The following NOL10 variants were observed in gnomAD, a reference collection of about 807,000 sequenced individuals.
NOL10 encodes the protein nucleolar protein 10, also known as H_NH0074G24.1.
In NOL10, 58 loss-of-function variants were observed where a neutral mutation model predicts 103.5. The observed-to-expected ratio is 0.56, with a 90% confidence interval of 0.45 to 0.70. NOL10 has a LOEUF of 0.70. Ranked by LOEUF, NOL10 falls within the 30% of genes least tolerant of loss-of-function variation. The pLI, the probability that NOL10 is intolerant of heterozygous loss-of-function variation, is 0.00. For synonymous variants in NOL10, 287 were observed against 282.5 expected (o/e 1.02, Z -0.16); for missense variants, 763 against 807.3 (o/e 0.95, Z 0.67).
At chr2:10,681,157 C>T (rs972212706) in intron 3 of NOL10, among the ~76,000 whole-genome samples, 8 of 151,996 alleles carry the variant, frequency 5.3e-5, no homozygotes, top group African/African-American at 1.2e-4. Context: ...GACTTCTATA[C>T]GATTGTTCAT....
chr2:10,673,262 T>C (rs1681073321), intron 5 of NOL10: 1 of 306,592 alleles, frequency 3.3e-6, no homozygotes, highest in African/African-American at 2.2e-5. Flanking sequence ...TTCTTAAAAA[T>C]ACAAATAAGG....
chr2:10,646,991 GT>G (rs1679118156), intron 12 of NOL10, among the ~76,000 whole-genome samples: 1 of 152,170 alleles, frequency 6.6e-6, no homozygotes. Flanking sequence ...AATTAATATG[GT>G]TTCACCCATG....
chr2:10,615,469 CAG>C (rs1339205242), intron 13 of NOL10, among the ~76,000 whole-genome samples: 1 of 152,114 alleles, frequency 6.6e-6, no homozygotes, highest in Non-Finnish European at 1.5e-5. Flanking sequence ...CAAGGGCTAG[CAG>C]AGACAGGACG....
intron 20 of NOL10, 80 bp from the exon 21 acceptor site, chr2:10,572,270 A>T (rs1674218747): frequency 6.8e-7 from 1 of 1,468,552 alleles, no homozygotes; most frequent in South Asian, 1.2e-5. Flanking sequence ...GGCTGCCAAC[A>T]GTACCACCAC....
In NOL10 at chr2:10,668,671, G is replaced by T; in HGVS notation, c.517C>A (p.Gln173Lys). Residue 173 changes from glutamine to lysine, a missense_variant, in exon 7 of 21, where the codon CAA becomes AAA. Gln to Lys is a moderately conservative substitution (Grantham distance 53). Transcript: ENST00000381685. ...AAAACTACTCACGCAGCATCAGTTT[G>T]TAGAGGATTCAGGTATCGTCCTTGT... ...LEQGRYLNPL[Q>K]TDAAENNVCD... The T allele has an allele frequency of 6.5e-7, 1 of 1,535,904 alleles. No individual in the cohort carries two copies.
In NOL10 at chr2:10,589,061, G is replaced by C. The variant is rs200554332; in HGVS notation, c.1826C>G (p.Thr609Arg). 65 of 1,613,944 alleles carry C rather than the reference G, an allele frequency of 4.0e-5. No homozygotes were observed. In the East Asian group the frequency reaches 1.3e-3, roughly 32 times the overall value. The change falls in exon 19 of 21, where the codon ACA (threonine) becomes AGA (arginine). Residue 609 changes from threonine to arginine, a missense_variant. Transcript: ENST00000381685. ...TACTCACTTCATCAGTTTCTGCTTTGTGGCAGAATCTTTGAAGCTTCTAAA... is the reference window on the plus strand; with the variant it reads ...TACTCACTTCATCAGTTTCTGCTTTCTGGCAGAATCTTTGAAGCTTCTAAA... ...EEFRSFKDSATKQKLMNKTLE... is the reference protein window; with the variant it reads ...EEFRSFKDSARKQKLMNKTLE...
intron 13 of NOL10, among the ~76,000 whole-genome samples, chr2:10,636,973 G>A (rs1382650351): frequency 6.6e-6 from 1 of 151,996 alleles, no homozygotes; most frequent in Non-Finnish European, 1.5e-5. Flanking sequence ...AGGCCCAGAT[G>A]GGTGGATCAC....
At position 10,590,754 on chromosome 2, in the gene NOL10, T is replaced by C. The variant is rs1572247446; in HGVS notation, c.1423-1003A>G. On this transcript the variant is annotated intron_variant, in intron 17 of 20. Coordinates refer to ENST00000381685, the MANE Select transcript of NOL10 (RefSeq NM_024894.4). ...ATTTGTACCATTTTCAATGGAAAGTTTTCTAAACTGTACTGTAAACTTACC... is the reference window on the plus strand; with the variant it reads ...ATTTGTACCATTTTCAATGGAAAGTCTTCTAAACTGTACTGTAAACTTACC... 2.9e-5 allele frequency: 4 copies of C among 138,140 alleles called. No homozygotes were observed. The South Asian group carries it at 8.5e-4, about 29-fold the overall frequency. 8.6% of individuals were successfully genotyped at this position (138,140 alleles called of 1,614,324 possible). A position where few individuals can be genotyped will look rare whatever the true frequency, so the allele number is the denominator to read the frequency against.
At chr2:10,620,530 C>T (rs1167213346) in intron 13 of NOL10, among the ~76,000 whole-genome samples, 2 of 152,066 alleles carry the variant, frequency 1.3e-5, no homozygotes, top group East Asian at 3.9e-4. Context: ...TAAGATTTCC[C>T]ATATGTTCCC....
At chr2:10,665,583 T>C (rs903968128) in intron 8 of NOL10, among the ~76,000 whole-genome samples, 3 of 152,184 alleles carry the variant, frequency 2.0e-5, no homozygotes, top group African/African-American at 7.2e-5. Context: ...CTACCTCCTA[T>C]CCCTTCAACA....
At chr2:10,606,512 G>A (rs1676266846) in intron 14 of NOL10, among the ~76,000 whole-genome samples, 2 of 150,240 alleles carry the variant, frequency 1.3e-5, no homozygotes, top group African/African-American at 2.5e-5. Flanking sequence ...GGAGGTTGAG[G>A]TAGGAGAATG....
At chr2:10,638,943 C>T (rs1488259962) in intron 13 of NOL10, among the ~76,000 whole-genome samples, 1 of 151,618 alleles carries the variant, frequency 6.6e-6, no homozygotes, top group African/African-American at 2.4e-5. Flanking sequence ...GTTGGGACTA[C>T]AGGCACACAC....
intron 10 of NOL10, among the ~76,000 whole-genome samples, 187 bp downstream of exon 10, chr2:10,658,985 T>C (rs1680013225): frequency 6.6e-6 from 1 of 152,172 alleles, no homozygotes. Flanking sequence ...TCCACAGCAC[T>C]GCAGACTGAC....
At chr2:10,617,381 T>C (rs369515925) in intron 13 of NOL10, among the ~76,000 whole-genome samples, 3 of 152,110 alleles carry the variant, frequency 2.0e-5, no homozygotes, top group African/African-American at 7.2e-5. Flanking sequence ...GAAGGAAATC[T>C]CTGTTTATTC....
chr2:10,609,581 C>T (rs1176598135), intron 13 of NOL10, among the ~76,000 whole-genome samples: 4 of 152,008 alleles, frequency 2.6e-5, no homozygotes, highest in African/African-American at 9.7e-5. Flanking sequence ...GCCTGGGCGA[C>T]AGAGCGAGAC....
chr2:10,683,029 C>T (rs901770342), intron 2 of NOL10, among the ~76,000 whole-genome samples: 12 of 152,246 alleles, frequency 7.9e-5, no homozygotes, highest in East Asian at 3.9e-4. Context: ...ATGATCTGCC[C>T]GCCTGGGCCT....
chr2:10,589,439 A>G (rs1675286464), intron 18 of NOL10, 139 bp downstream of exon 18: 3 of 1,239,112 alleles, frequency 2.4e-6, no homozygotes, highest in Non-Finnish European at 2.2e-6. Context: ...TAAATAAGAT[A>G]ATACTCCTAA....
chr2:10,668,871 T>C (rs1680726529), intron 6 of NOL10, 148 bp from the exon 7 acceptor site: 2 of 340,028 alleles, frequency 5.9e-6, no homozygotes, highest in Non-Finnish European at 5.3e-6. Flanking sequence ...CTGAAAAATA[T>C]CCACTTTATG....
intron 9 of NOL10, among the ~76,000 whole-genome samples, chr2:10,662,575 T>C (rs1680280332): frequency 6.6e-6 from 1 of 152,042 alleles, no homozygotes; most frequent in Non-Finnish European, 1.5e-5. Context: ...ATGTAGAAAT[T>C]AGGCAAACAG....
Sources: gnomAD v4.1 joint callset for allele counts (sites outside exome capture counted in the v4.1 genomes callset) on GRCh38, gnomAD v4.1.1 for gene constraint, MANE v1.5 for transcripts, NCBI Gene and HGNC (gene_info 2026-07-23, HGNC 2026-07-21) for gene names.